The following KCNQ1 variants were observed in gnomAD, a reference collection of about 807,000 sequenced individuals.
The protein encoded by KCNQ1 is potassium voltage-gated channel subfamily KQT member 1.
A neutral mutation model predicts 72.4 loss-of-function variants in KCNQ1; 49 were observed. The observed-to-expected ratio is 0.68, with a 90% CI of 0.54 to 0.86. KCNQ1 has a LOEUF of 0.86. Ranked by LOEUF, KCNQ1 falls within the 40% of genes least tolerant of loss-of-function variation. The probability of loss-of-function intolerance (pLI) is 0.00; values close to 1 mark genes in which losing one functional copy is unlikely to be tolerated. For missense variants in KCNQ1, 790 were observed against 945.1 expected (o/e 0.84, Z 2.15); for synonymous variants, 450 against 412.6 (o/e 1.09, Z -1.10).
chr11:2,512,363 G>C (rs919408126), intron 1 of KCNQ1, among the ~76,000 whole-genome samples: 1 of 152,128 alleles, frequency 6.6e-6, no homozygotes, highest in Non-Finnish European at 1.5e-5. Context: ...CCCCCGAGAT[G>C]GGCAGCCAGG....
intron 10 of KCNQ1, chr11:2,630,981 C>T: frequency 2.5e-6 from 1 of 398,480 alleles, no homozygotes; most frequent in African/African-American, 2.1e-5. Flanking sequence ...GATGTAAGAA[C>T]TTTATTTATC....
chr11:2,680,060 A>T (rs1162059264), intron 11 of KCNQ1: 1 of 320,674 alleles, frequency 3.1e-6, no homozygotes. Context: ...TGACTGGCTA[A>T]TTTTTTTTTT....
chr11:2,677,841 C>T lies in KCNQ1; in HGVS notation c.1514+15760C>T, dbSNP rs1258424606. 3 of 398,378 alleles carry T rather than the reference C, an allele frequency of 7.5e-6. No homozygotes were observed. The highest frequency in any genetic ancestry group is 1.3e-5 in the Non-Finnish European group (3 of 226,048). The allele number at this position is 398,378 out of a possible 1,614,324, so 24.7% of individuals were successfully genotyped here. On this transcript the variant is annotated intron_variant, in intron 11 of 15. Coordinates refer to ENST00000155840, the MANE Select transcript of KCNQ1 (RefSeq NM_000218.3). This position sits in a 1 kb window ranked among gnomAD's most constrained non-coding sequence, Gnocchi z 4.5. ...TGTGATAGATACTGCCAAATAAGGG[C>T]TGTACCATTTACATCACTTTGACTG...
chr11:2,733,932 G>A (rs1278505473), intron 11 of KCNQ1, among the ~76,000 whole-genome samples: 2 of 143,894 alleles, frequency 1.4e-5, no homozygotes, highest in Non-Finnish European at 3.0e-5. Flanking sequence ...ACATGCACAC[G>A]CTCTCCTCTT....
At chr11:2,523,215 G>A (rs4930120) in intron 1 of KCNQ1, among the ~76,000 whole-genome samples, 98,009 of 150,154 alleles carry the variant, frequency 0.65, 32,339 homozygotes, top group African/African-American at 0.71. Flanking sequence ...TTTTTTTGTG[G>A]TGGAGTCTTG....
In KCNQ1 at chr11:2,464,684, G is replaced by A. The variant is rs999312774; in HGVS notation, c.386+19200G>A. Among the ~76,000 whole-genome samples, 9 of 152,286 alleles carry A rather than the reference G, an allele frequency of 5.9e-5. No homozygotes were observed. Among genetic ancestry groups the A allele is most frequent in the African/African-American group, 2.2e-4 (9 of 41,560 alleles). The stretch of plus-strand genomic sequence containing the variant: ...TGGCAGATTCCAGCTTCTCTCAGGG[G>A]CCAGGATTACATGGTCCGTGTTGGA... On this transcript the variant is annotated intron_variant, in intron 1 of 15. Coordinates refer to ENST00000155840, the MANE Select transcript of KCNQ1 (RefSeq NM_000218.3). The surrounding 1 kb of genome is among the most constrained non-coding windows in gnomAD (Gnocchi z 5.0).
chr11:2,469,085 G>C (rs139718505), intron 1 of KCNQ1, among the ~76,000 whole-genome samples: 1 of 152,026 alleles, frequency 6.6e-6, no homozygotes, highest in East Asian at 1.9e-4. Context: ...TGGTGTGGTC[G>C]GTCTTTAATT....
intron 6 of KCNQ1, among the ~76,000 whole-genome samples, chr11:2,583,068 C>G (rs1199212020): frequency 6.6e-6 from 1 of 152,146 alleles, no homozygotes; most frequent in Non-Finnish European, 1.5e-5. Flanking sequence ...TCCTGGGGGC[C>G]GGCGCACAGC....
chr11:2,699,888 A>C (rs1850764084), intron 11 of KCNQ1: 1 of 397,328 alleles, frequency 2.5e-6, no homozygotes. Flanking sequence ...CCCGGGGAGG[A>C]CCACGCTGAG....
rs1851022221 is a variant in KCNQ1 at position 2,712,489 on chromosome 11, A to T, written c.1514+50408A>T. Among the ~76,000 whole-genome samples, 1 of 152,160 alleles carries T rather than the reference A, an allele frequency of 6.6e-6. No homozygotes were observed. Among genetic ancestry groups the T allele is most frequent in the South Asian group, 2.1e-4 (1 of 4,828 alleles). On this transcript the variant is annotated intron_variant, in intron 11 of 15. Transcript: ENST00000155840. This position sits in a 1 kb window ranked among gnomAD's most constrained non-coding sequence, Gnocchi z 6.4. The stretch of plus-strand genomic sequence containing the variant: ...AGTAATCATAGTGAGGTATTTAGGG[A>T]TAGAGTGGAGATCTCGCCCACATAT...
intron 15 of KCNQ1, among the ~76,000 whole-genome samples, chr11:2,842,844 A>G (rs1848241771): frequency 1.3e-5 from 2 of 152,226 alleles, no homozygotes; most frequent in South Asian, 4.1e-4. Flanking sequence ...TTCATGCCTC[A>G]GTCCACTTGA....
chr11:2,807,569 C>T (rs11601574), intron 15 of KCNQ1, among the ~76,000 whole-genome samples: 30,051 of 152,204 alleles, frequency 0.2, 3,463 homozygotes, highest in East Asian at 0.41. Flanking sequence ...CGGGCCGGGC[C>T]CTCCTCGGGC....
rs4930000 is a variant in KCNQ1 at position 2,601,779 on chromosome 11, C to T, written c.1393+12925C>T. 0.2 allele frequency among the ~76,000 whole-genome samples: 30,335 copies of T among 152,156 alleles called. 4,162 individuals are homozygous for T. Among genetic ancestry groups the T allele is most frequent in the African/African-American group, 0.38 (15,575 of 41,496 alleles). The stretch of plus-strand genomic sequence containing the variant: ...AATCATAGTGCTGAGTGGAGTTTCA[C>T]GGTATGGACATATACCCCAGTTTAT... On this transcript the variant is annotated intron_variant, in intron 10 of 15. Transcript: ENST00000155840. The surrounding 1 kb of genome is among the most constrained non-coding windows in gnomAD (Gnocchi z 5.2).
intron 11 of KCNQ1, among the ~76,000 whole-genome samples, chr11:2,707,136 C>T (rs186778765): frequency 5.3e-5 from 8 of 152,100 alleles, no homozygotes; most frequent in Non-Finnish European, 1.2e-4. Flanking sequence ...AAAGGGCCCT[C>T]TTGGGGTCAG....
intron 10 of KCNQ1, chr11:2,643,383 C>G (rs1219317066): frequency 2.5e-6 from 1 of 398,166 alleles, no homozygotes; most frequent in Non-Finnish European, 4.4e-6. Flanking sequence ...TCCTCTTGGT[C>G]AATTGATCCC....
chr11:2,622,152 T>C (rs1458737071), intron 10 of KCNQ1: 2 of 398,262 alleles, frequency 5.0e-6, no homozygotes, highest in African/African-American at 2.1e-5. Flanking sequence ...AAGTACGTTA[T>C]TGAAGTCCCT....
chr11:2,567,427 G>T lies in KCNQ1; in HGVS notation c.478-3201G>T, dbSNP rs756798418. ...AATCAGGGGTGGGCCATGGCATGGCGTGGGGGACCAGCCCTCCTCCCTGTC... is the reference window on the plus strand; with the variant it reads ...AATCAGGGGTGGGCCATGGCATGGCTTGGGGGACCAGCCCTCCTCCCTGTC... On this transcript the variant is annotated intron_variant, in intron 2 of 15. Transcript: ENST00000155840. This position sits in a 1 kb window ranked among gnomAD's most constrained non-coding sequence, Gnocchi z 6.6. 6.6e-6 allele frequency among the ~76,000 whole-genome samples: 1 copy of T among 152,122 alleles called. No homozygotes were observed. Among genetic ancestry groups the T allele is most frequent in the African/African-American group, 2.4e-5 (1 of 41,422 alleles).
chr11:2,501,993 C>G (rs559906705), intron 1 of KCNQ1, among the ~76,000 whole-genome samples: 1 of 152,108 alleles, frequency 6.6e-6, no homozygotes, highest in African/African-American at 2.4e-5. Flanking sequence ...TAAAATTCCA[C>G]ATCCCTTCAA....
chr11:2,551,879 A>G (rs923630247), intron 2 of KCNQ1, among the ~76,000 whole-genome samples: 3 of 152,244 alleles, frequency 2.0e-5, no homozygotes, highest in Non-Finnish European at 2.9e-5. Flanking sequence ...CCATTCATAT[A>G]TCTCCTTTGA....
Sources: gnomAD v4.1 joint callset for allele counts (sites outside exome capture counted in the v4.1 genomes callset) on GRCh38, gnomAD v4.1.1 for gene constraint, Gnocchi (gnomAD v3.1) non-coding constraint, MANE v1.5 for transcripts, NCBI Gene and HGNC (gene_info 2026-07-23, HGNC 2026-07-21) for gene names.